Variants in ZC3H12B observed in about 807,000 individuals in gnomAD.
ZC3H12B encodes the protein zinc finger CCCH-type containing 12B.
ZC3H12B carries 7 observed loss-of-function variants against 43.9 expected under a neutral mutation model. The observed-to-expected ratio is 0.16, with a 90% CI of 0.09 to 0.30. The LOEUF (loss-of-function observed/expected upper bound fraction) is 0.30, where lower values mean the gene tolerates loss of function less well. Ranked by LOEUF, ZC3H12B falls within the 10% of genes least tolerant of loss-of-function variation. The pLI is 1.00. For missense variants in ZC3H12B, 475 were observed against 670.2 expected (o/e 0.71, Z 3.22); for synonymous variants, 222 against 241.7 (o/e 0.92, Z 0.76).
At chrX:65,085,377 T>A in the ZC3H12B span, among the ~76,000 whole-genome samples, 9 of 111,041 alleles carry the variant, frequency 8.1e-5, no homozygotes, top group Admixed American at 1.9e-4. Flanking sequence ...ATTTATCCCA[T>A]AAACATATAT....
chrX:65,359,188 C>T, the ZC3H12B span, among the ~76,000 whole-genome samples: 16 of 111,231 alleles, frequency 1.4e-4, 1 homozygote, highest in Middle Eastern at 8.4e-3. Flanking sequence ...GATATTACTT[C>T]TATTGAAAAT....
the ZC3H12B span, among the ~76,000 whole-genome samples, chrX:65,282,524 C>G: frequency 9.0e-6 from 1 of 110,670 alleles, no homozygotes; most frequent in Non-Finnish European, 1.9e-5. Flanking sequence ...TTCAAAAAAG[C>G]AATGAATCAA....
At chrX:65,192,337 C>T in the ZC3H12B span, among the ~76,000 whole-genome samples, 64 of 111,305 alleles carry the variant, frequency 5.7e-4, no homozygotes, top group African/African-American at 1.9e-3. Flanking sequence ...TTTGGATACC[C>T]TTTTTTTCTT....
chrX:65,424,127 A>T (rs975701377), intron 3 of ZC3H12B, among the ~76,000 whole-genome samples: 1 of 111,902 alleles, frequency 8.9e-6, no homozygotes, highest in Non-Finnish European at 1.9e-5. Flanking sequence ...CGACTTGATC[A>T]TGGTGGATCA....
the ZC3H12B span, among the ~76,000 whole-genome samples, chrX:65,171,954 G>T: frequency 8.9e-6 from 1 of 112,086 alleles, no homozygotes; most frequent in Admixed American, 9.5e-5. Context: ...GCTTCTCTTG[G>T]CTAGGAAAGG....
At chrX:65,053,323 G>T in the ZC3H12B span, among the ~76,000 whole-genome samples, 1 of 110,326 alleles carries the variant, frequency 9.1e-6, no homozygotes, top group South Asian at 4.0e-4. Context: ...TGTTCTCATT[G>T]TTCAATTCCC....
At chrX:65,165,034 T>A in the ZC3H12B span, among the ~76,000 whole-genome samples, 3 of 111,349 alleles carry the variant, frequency 2.7e-5, no homozygotes, top group African/African-American at 9.8e-5. Context: ...ATAGAGAAAA[T>A]GAAGTGCTTT....
chrX:65,078,012 A>T, the ZC3H12B span, among the ~76,000 whole-genome samples: 3 of 112,169 alleles, frequency 2.7e-5, no homozygotes, highest in Non-Finnish European at 5.6e-5. Flanking sequence ...GATATATATT[A>T]ATGGTGAAAC....
At chrX:65,182,554 A>G in the ZC3H12B span, among the ~76,000 whole-genome samples, 1 of 111,378 alleles carries the variant, frequency 9.0e-6, no homozygotes, top group East Asian at 2.8e-4. Context: ...AAGCAATTGT[A>G]ACAAAAAAAT....
intron 2 of ZC3H12B, among the ~76,000 whole-genome samples, chrX:65,381,168 C>A (rs12373901): frequency 9.0e-6 from 1 of 111,187 alleles, no homozygotes; most frequent in Non-Finnish European, 1.9e-5. Context: ...CAGCACCACA[C>A]CACACCTAAT....
chrX:65,403,035 G>A (rs1217153525), intron 3 of ZC3H12B, among the ~76,000 whole-genome samples: 2 of 111,820 alleles, frequency 1.8e-5, no homozygotes, highest in Admixed American at 1.9e-4. Flanking sequence ...TTTCAGACAG[G>A]GAATTCAAAA....
At chrX:65,254,488 A>G in the ZC3H12B span, among the ~76,000 whole-genome samples, 1 of 112,471 alleles carries the variant, frequency 8.9e-6, no homozygotes, top group Non-Finnish European at 1.9e-5. Context: ...AAGCCAGTCG[A>G]CTGAACCCAT....
the ZC3H12B span, among the ~76,000 whole-genome samples, chrX:65,220,726 G>A: frequency 8.9e-6 from 1 of 112,052 alleles, no homozygotes; most frequent in African/African-American, 3.2e-5. Flanking sequence ...CATAAGAAAT[G>A]TGATAGACAA....
rs190711692 is a variant in ZC3H12B at position 65,424,108 on chromosome X, G to A, written n.407+25404G>A. On this transcript the variant is annotated intron_variant and non_coding_transcript_variant, in intron 3 of 5. Transcript: ENST00000617377. ...CTGTTGAACCAACCCTGCATCCCAG[G>A]GATGAAGCCGACTTGATCATGGTGG... is the stretch of plus-strand genomic sequence containing the variant. Among the ~76,000 whole-genome samples, 200 of 111,732 alleles carry A rather than the reference G, an allele frequency of 1.8e-3. 2 individuals carry two copies. The highest frequency in any genetic ancestry group is 4.8e-3 in the African/African-American group (149 of 30,806).
the ZC3H12B span, among the ~76,000 whole-genome samples, chrX:65,216,404 G>T: frequency 5.4e-5 from 6 of 111,266 alleles, no homozygotes; most frequent in African/African-American, 2.0e-4. Context: ...CTTTGCTGGT[G>T]TCCATGGAGG....
chrX:65,329,451 C>A, the ZC3H12B span, among the ~76,000 whole-genome samples: 2 of 100,524 alleles, frequency 2.0e-5, no homozygotes, highest in Non-Finnish European at 3.8e-5. Context: ...GGATATTAGC[C>A]CTTTGTCAGA....
chrX:65,160,048 T>C, the ZC3H12B span, among the ~76,000 whole-genome samples: 1 of 112,321 alleles, frequency 8.9e-6, no homozygotes, highest in South Asian at 3.7e-4. Context: ...TGGTTCGGAT[T>C]ATATGTTGGA....
chrX:65,308,692 G>A, the ZC3H12B span, among the ~76,000 whole-genome samples: 7 of 111,506 alleles, frequency 6.3e-5, no homozygotes, highest in East Asian at 1.7e-3. Flanking sequence ...TACATTCTTC[G>A]CAGCACCACA....
chrX:65,281,659 T>C, the ZC3H12B span, among the ~76,000 whole-genome samples: 1 of 112,427 alleles, frequency 8.9e-6, no homozygotes, highest in Non-Finnish European at 1.9e-5. Context: ...TCTTACGTTA[T>C]ACAAAAATCA....
Sources: allele counts gnomAD v4.1 joint callset (sites outside exome capture counted in the v4.1 genomes callset), GRCh38; gene constraint gnomAD v4.1.1; transcripts MANE v1.5; gene names NCBI Gene and HGNC (gene_info 2026-07-23, HGNC 2026-07-21).